BBS9: variants seen among roughly 807,000 people sequenced by gnomAD.
The protein encoded by BBS9 is protein PTHB1.
BBS9 carries 89 observed loss-of-function variants against 117.7 expected under a neutral mutation model. That is an observed-to-expected ratio of 0.76 (90% CI 0.64 to 0.90). The LOEUF is 0.90. BBS9 is among the 40% of genes least tolerant of loss of function. The pLI is 0.00. For missense variants in BBS9, 982 were observed against 1,042.2 expected, an observed-to-expected ratio of 0.94 and a Z score of 0.80; for synonymous variants, 379 against 370.9, an observed-to-expected ratio of 1.02 and a Z score of -0.25.
At chr7:33,525,703 A>G (rs1381029795) in intron 20 of BBS9, among the ~76,000 whole-genome samples, 1 of 127,022 alleles carries the variant, frequency 7.9e-6, no homozygotes, top group Non-Finnish European at 1.6e-5. Flanking sequence ...TCTTTATCCA[A>G]TTTGCCAGTC....
chr7:33,223,058 T>C (rs1753534104), intron 5 of BBS9, among the ~76,000 whole-genome samples: 2 of 151,884 alleles, frequency 1.3e-5, no homozygotes, highest in African/African-American at 2.4e-5. Flanking sequence ...CCTGATCTGA[T>C]CTTACTTCAG....
intron 1 of BBS9, among the ~76,000 whole-genome samples, chr7:33,139,781 A>T (rs1330960179): frequency 6.6e-6 from 1 of 152,176 alleles, no homozygotes. Context: ...CGGCTGATGC[A>T]GGAGTGAGCA....
intron 21 of BBS9, among the ~76,000 whole-genome samples, chr7:33,602,946 A>T (rs1864022257): frequency 6.6e-6 from 1 of 152,300 alleles, no homozygotes; most frequent in East Asian, 1.9e-4. Flanking sequence ...GATAATCTAT[A>T]GCAACTGGCT....
intron 5 of BBS9, among the ~76,000 whole-genome samples, chr7:33,200,003 G>A (rs1447323415): frequency 6.6e-6 from 1 of 151,984 alleles, no homozygotes; most frequent in African/African-American, 2.4e-5. Context: ...TCTAATATGA[G>A]TCACTGATGC....
intron 19 of BBS9, among the ~76,000 whole-genome samples, chr7:33,403,886 G>A (rs940438505): frequency 2.3e-4 from 35 of 152,070 alleles, no homozygotes; most frequent in Admixed American, 4.6e-4. Flanking sequence ...CTGAGGAATC[G>A]CCACACCGAC....
chr7:33,419,452 A>G (rs1832527750), intron 19 of BBS9, among the ~76,000 whole-genome samples: 1 of 152,128 alleles, frequency 6.6e-6, no homozygotes, highest in Non-Finnish European at 1.5e-5. Flanking sequence ...AAGTATTAAA[A>G]CATTTGCTTT....
intron 18 of BBS9, 72 bp downstream of exon 18, chr7:33,383,910 A>G: frequency 1.1e-5 from 16 of 1,464,812 alleles, no homozygotes; most frequent in Non-Finnish European, 1.0e-5. Context: ...CTATAGAAGG[A>G]TTCTGTATGC....
chr7:33,449,940 A>AT (rs1354399150), intron 19 of BBS9, among the ~76,000 whole-genome samples: 1 of 152,172 alleles, frequency 6.6e-6, no homozygotes, highest in Non-Finnish European at 1.5e-5. Context: ...TCCACCACAT[A>AT]TACATTGTTG....
rs1211982749 is a variant in BBS9, at chr7:33,129,779, AGGGGAGCTTCTTG to A, written c.-268_-256del. The A allele has an allele frequency of 6.6e-6, 1 of 152,268 alleles. No individual in the cohort carries two copies. The highest frequency in any genetic ancestry group is 1.5e-5 in the Non-Finnish European group (1 of 68,436). 9.4% of individuals were successfully genotyped at this position (152,268 alleles called of 1,614,324 possible). A position where few individuals can be genotyped will look rare whatever the true frequency, so the allele number is the denominator to read the frequency against. On this transcript the variant is annotated 5_prime_UTR_variant, in exon 1 of 23. The change abolishes the stop of an existing upstream ORF in the 5' untranslated region. Coordinates refer to ENST00000242067, the MANE Select transcript of BBS9 (RefSeq NM_198428.3). The stretch of plus-strand genomic sequence containing the variant: ...GGTCTCTGGGGGTGACGGGGGGCGC[AGGGGAGCTTCTTG>A]GGGGAATCACTCCAACTCTGTGGAG...
At chr7:33,589,169 C>T (rs915737022) in intron 21 of BBS9, among the ~76,000 whole-genome samples, 5 of 151,956 alleles carry the variant, frequency 3.3e-5, no homozygotes, top group Non-Finnish European at 7.4e-5. Flanking sequence ...TCTGAGACTC[C>T]CAGTGGTTGC....
chr7:33,524,839 T>C (rs1585121677), intron 20 of BBS9, among the ~76,000 whole-genome samples: 1 of 152,186 alleles, frequency 6.6e-6, no homozygotes, highest in Non-Finnish European at 1.5e-5. Context: ...AATTGTGATG[T>C]TAGGGTGTCA....
At chr7:33,276,298 C>A (rs565368756) in intron 9 of BBS9, among the ~76,000 whole-genome samples, 1 of 152,276 alleles carries the variant, frequency 6.6e-6, no homozygotes, top group African/African-American at 2.4e-5. Flanking sequence ...CAATTGTAAG[C>A]TGTATGCTAC....
intron 1 of BBS9, among the ~76,000 whole-genome samples, chr7:33,132,998 C>G (rs1789864054): frequency 6.6e-6 from 1 of 152,056 alleles, no homozygotes; most frequent in Middle Eastern, 3.2e-3. Flanking sequence ...CTATGTTGCG[C>G]AGGCTGGTCC....
At chr7:33,157,014 A>AT (rs1482088237) in intron 4 of BBS9, among the ~76,000 whole-genome samples, 1 of 152,116 alleles carries the variant, frequency 6.6e-6, no homozygotes, top group Non-Finnish European at 1.5e-5. Flanking sequence ...TACACAAGCC[A>AT]TGGAGGAGAA....
intron 19 of BBS9, among the ~76,000 whole-genome samples, chr7:33,435,359 A>G (rs986542661): frequency 1.3e-5 from 2 of 152,190 alleles, no homozygotes; most frequent in Non-Finnish European, 1.5e-5. Context: ...TAAATCTTTG[A>G]TACTTTGTGA....
chr7:33,333,372 A>G (rs190006166), intron 9 of BBS9, among the ~76,000 whole-genome samples: 21 of 152,288 alleles, frequency 1.4e-4, no homozygotes, highest in East Asian at 1.2e-3. Context: ...AAGTTGCTGC[A>G]AAATACATTG....
At chr7:33,409,740 A>G (rs1830766979) in intron 19 of BBS9, among the ~76,000 whole-genome samples, 1 of 152,050 alleles carries the variant, frequency 6.6e-6, no homozygotes, top group South Asian at 2.1e-4. Context: ...TTGTGGTTTT[A>G]TTTTGCATTT....
chr7:33,424,449 CGAGAA>C (rs1833341710), intron 19 of BBS9, among the ~76,000 whole-genome samples: 1 of 152,024 alleles, frequency 6.6e-6, no homozygotes, highest in Non-Finnish European at 1.5e-5. Context: ...AAATTTCAAA[CGAGAA>C]GAGATGTTTT....
chr7:33,461,751 C>G (rs1161040071), intron 19 of BBS9, among the ~76,000 whole-genome samples: 3 of 152,162 alleles, frequency 2.0e-5, no homozygotes, highest in African/African-American at 7.2e-5. Context: ...GAAAAGAGAT[C>G]TGCATTTGAC....
Sources: gnomAD v4.1 joint callset for allele counts (sites outside exome capture counted in the v4.1 genomes callset) on GRCh38, gnomAD v4.1.1 for gene constraint, MANE v1.5 for transcripts, NCBI Gene and HGNC (gene_info 2026-07-23, HGNC 2026-07-21) for gene names.